The following MPHOSPH9 variants were observed in gnomAD, a reference collection of about 807,000 sequenced individuals.
MPHOSPH9 encodes M-phase phosphoprotein 9.
In MPHOSPH9, 88 loss-of-function variants were observed where a neutral mutation model predicts 145.5. The ratio of observed to expected loss-of-function variants is 0.60; its 90% confidence interval spans 0.51 to 0.72. The LOEUF (loss-of-function observed/expected upper bound fraction) is 0.72. MPHOSPH9 is among the 30% of genes least tolerant of loss of function. The probability of loss-of-function intolerance (pLI) is 0.00; values close to 1 mark genes in which losing one functional copy is unlikely to be tolerated. For missense variants in MPHOSPH9, 1,238 were observed against 1,386.6 expected, an observed-to-expected ratio of 0.89 and a Z score of 1.70; for synonymous variants, 435 against 486.2, an observed-to-expected ratio of 0.89 and a Z score of 1.39.
chr12:123,202,959 A>G lies in MPHOSPH9; in HGVS notation c.1446T>C (p.Pro482=). Residue 482 remains proline (P), a synonymous_variant, in exon 10 of 24, where the codon CCT becomes CCC. Transcript: ENST00000606320. ...CTATGTCAGAGGGACTAGACATACT[A>G]GGCTCTAGAACAGAGTCCGGGGAAA... The part of the protein sequence containing the change: ...ISFSPDSVLE[P]SMSSPSDIDS... The G allele has an allele frequency of 6.2e-7, 1 of 1,614,178 alleles. No homozygotes were observed. The highest frequency in any genetic ancestry group is 8.5e-7 in the Non-Finnish European group (1 of 1,180,028).
At chr12:123,208,010 G>A (rs973949344) in intron 8 of MPHOSPH9, among the ~76,000 whole-genome samples, 1 of 151,452 alleles carries the variant, frequency 6.6e-6, no homozygotes, top group South Asian at 2.1e-4. Context: ...AGGCTGATGT[G>A]GGTGGATCAC....
chr12:123,182,782 C>T (rs968381710), intron 13 of MPHOSPH9, among the ~76,000 whole-genome samples: 7 of 149,498 alleles, frequency 4.7e-5, no homozygotes, highest in Non-Finnish European at 1.0e-4. Flanking sequence ...GGTGTGGTGG[C>T]GCGTGCCTGT....
At chr12:123,182,247 GTGTTTTTTTTTT>G (rs1245794573) in intron 13 of MPHOSPH9, among the ~76,000 whole-genome samples, 2 of 73,100 alleles carry the variant, frequency 2.7e-5, no homozygotes, top group African/African-American at 5.9e-5. Flanking sequence ...TGTTTTTTTT[GTGTTTTTTTTTT>G]TGTTTTTTTT....
At chr12:123,179,677 C>T (rs2045036084) in intron 15 of MPHOSPH9, among the ~76,000 whole-genome samples, 1 of 144,316 alleles carries the variant, frequency 6.9e-6, no homozygotes, top group Non-Finnish European at 1.5e-5. Flanking sequence ...CCCAGGAATT[C>T]ACAGCCAATC....
intron 12 of MPHOSPH9, among the ~76,000 whole-genome samples, chr12:123,194,962 T>C (rs181631304): frequency 1.2e-4 from 18 of 152,090 alleles, no homozygotes; most frequent in African/African-American, 4.1e-4. Context: ...GCCTTAATAA[T>C]AGCTAATAAA....
intron 5 of MPHOSPH9, among the ~76,000 whole-genome samples, chr12:123,220,324 G>C (rs527809591): frequency 6.6e-6 from 1 of 152,140 alleles, no homozygotes; most frequent in East Asian, 1.9e-4. Flanking sequence ...CCAGCACTTT[G>C]GGAGGCTGAG....
intron 5 of MPHOSPH9, 49 bp from the exon 6 acceptor site, chr12:123,218,548 C>CA (rs1565966131): frequency 3.8e-6 from 6 of 1,577,276 alleles, no homozygotes; most frequent in African/African-American, 1.4e-5. Flanking sequence ...TGTTTTGAGA[C>CA]AGAGTCTTGC....
At chr12:123,174,789 G>C (rs2044754763) in intron 16 of MPHOSPH9, among the ~76,000 whole-genome samples, 1 of 152,134 alleles carries the variant, frequency 6.6e-6, no homozygotes, top group Admixed American at 6.6e-5. Context: ...AAATATTCAA[G>C]ATGGAAATTC....
chr12:123,215,730 T>C (rs2046923967), intron 6 of MPHOSPH9, among the ~76,000 whole-genome samples: 2 of 152,192 alleles, frequency 1.3e-5, no homozygotes. Context: ...TGAGAATATT[T>C]CTATCAGAAT....
chr12:123,229,908 G>C (rs2047577164), intron 2 of MPHOSPH9: 1 of 146,990 alleles, frequency 6.8e-6, no homozygotes, highest in Admixed American at 7.3e-5. Flanking sequence ...TGCAACCTCT[G>C]CCTCCCAGGT....
In MPHOSPH9 at chr12:123,154,621, T is replaced by C. The variant is rs970691626; in HGVS notation, c.*2186A>G. 3.9e-5 allele frequency: 6 copies of C among 152,118 alleles called. No individual in the cohort carries two copies. The highest frequency in any genetic ancestry group is 1.2e-4 in the African/African-American group (5 of 41,428). The allele number at this position is 152,118 out of a possible 1,614,324, so 9.4% of individuals were successfully genotyped here. On this transcript the variant is annotated 3_prime_UTR_variant, in exon 24 of 24. Coordinates refer to ENST00000606320, the MANE Select transcript of MPHOSPH9 (RefSeq NM_022782.4). ...ATTCCTTGGCAAGATAAAACTATCA[T>C]CTCTTCTGAAATGGCATTTTTTAAT...
chr12:123,202,048 A>C (rs1186975098), intron 11 of MPHOSPH9, 116 bp downstream of exon 11: 2 of 1,130,228 alleles, frequency 1.8e-6, no homozygotes, highest in African/African-American at 3.2e-5. Flanking sequence ...TTAGGCAAAC[A>C]TGACTGTTAA....
intron 13 of MPHOSPH9, among the ~76,000 whole-genome samples, chr12:123,193,114 CA>C (rs2138239505): frequency 1.1e-5 from 1 of 94,922 alleles, no homozygotes; most frequent in South Asian, 3.9e-4. Context: ...TATATACACA[CA>C]CACACACACA....
At chr12:123,152,462 C>G (rs1177233276), downstream of MPHOSPH9, 2 of 416,340 alleles carry the variant, frequency 4.8e-6, no homozygotes, top group Non-Finnish European at 9.7e-6. Context: ...GTCTACCCAC[C>G]AGCAGCACTG....
chr12:123,218,225 T>C lies in MPHOSPH9; in HGVS notation c.996+151A>G, dbSNP rs143955171. 138 of 1,084,102 alleles carry C rather than the reference T, an allele frequency of 1.3e-4. No homozygotes were observed. In the African/African-American group the frequency reaches 2.1e-3, roughly 17 times the overall value. The allele number at this position is 1,084,102 out of a possible 1,614,324, so 67.2% of individuals were successfully genotyped here. On this transcript the variant is annotated intron_variant, in intron 6 of 23. Transcript: ENST00000606320. ...CCAGTCTGGGCCATAAGAGCGAAAC[T>C]CCGTCTCAAAAAAACAACAACAAAA...
chr12:123,153,629 G>A (rs1332315118), downstream of MPHOSPH9, among the ~76,000 whole-genome samples: 6 of 151,836 alleles, frequency 4.0e-5, no homozygotes, highest in African/African-American at 1.5e-4. Flanking sequence ...TTAACCAGGC[G>A]TGGTATGCAC....
Position 123,185,051 on chromosome 12 carries a change from G to A in MPHOSPH9, c.2242-3841C>T, listed in dbSNP as rs1173350706. 3.3e-5 allele frequency among the ~76,000 whole-genome samples: 5 copies of A among 152,212 alleles called. No individual in the cohort carries two copies. The East Asian group carries it at 5.8e-4, about 18-fold the overall frequency. On this transcript the variant is annotated intron_variant, in intron 13 of 23. Coordinates refer to ENST00000606320, the MANE Select transcript of MPHOSPH9 (RefSeq NM_022782.4). ...ATTCCTGGCCTCAAGTGATCCACCCGTCTCAGCCTCCCAAAGCACTGAGAT... is the reference window on the plus strand; with the variant it reads ...ATTCCTGGCCTCAAGTGATCCACCCATCTCAGCCTCCCAAAGCACTGAGAT...
chr12:123,197,031 GTTTTTTTTT>G (rs56061451), intron 12 of MPHOSPH9, among the ~76,000 whole-genome samples: 25 of 73,006 alleles, frequency 3.4e-4, no homozygotes, highest in African/African-American at 1.3e-3. Context: ...AGGGGTGTGG[GTTTTTTTTT>G]TTTTTTTTTT....
intron 16 of MPHOSPH9, among the ~76,000 whole-genome samples, chr12:123,174,039 G>C (rs991707909): frequency 1.3e-5 from 2 of 152,144 alleles, no homozygotes; most frequent in African/African-American, 4.8e-5. Context: ...TATCAGAGAT[G>C]AATGGGAGGC....
Sources: allele counts gnomAD v4.1 joint callset (sites outside exome capture counted in the v4.1 genomes callset), GRCh38; gene constraint gnomAD v4.1.1; transcripts MANE v1.5; gene names NCBI Gene and HGNC (gene_info 2026-07-23, HGNC 2026-07-21).